The following CSMD3 variants were observed in gnomAD, a reference collection of about 807,000 sequenced individuals.
The protein encoded by CSMD3 is CUB and Sushi multiple domains 3.
Under a neutral mutation model 435.2 loss-of-function variants are expected in CSMD3, and 177 were observed. The ratio of observed to expected loss-of-function variants is 0.41; its 90% CI spans 0.36 to 0.46. The LOEUF (loss-of-function observed/expected upper bound fraction) is 0.46, where lower values mean the gene tolerates loss of function less well. CSMD3 is among the 20% of genes least tolerant of loss of function. The pLI, the probability that CSMD3 is intolerant of heterozygous loss-of-function variation, is 0.34. For synonymous variants in CSMD3, 1,656 were observed against 1,520.5 expected (o/e 1.09, Z -2.07); for missense variants, 4,265 against 4,504.6 (o/e 0.95, Z 1.52).
rs140851876 is a variant in CSMD3 at position 113,150,986 on chromosome 8, T to A, written c.709+22736A>T. 3.2e-3 allele frequency among the ~76,000 whole-genome samples: 493 copies of A among 152,074 alleles called. 2 individuals carry two copies. Among genetic ancestry groups the A allele is most frequent in the Admixed American group, 6.0e-3 (91 of 15,228 alleles). On this transcript the variant is annotated intron_variant, in intron 4 of 70. Coordinates refer to ENST00000297405, the MANE Select transcript of CSMD3 (RefSeq NM_198123.2). ...GAAAATATAGGATTTCATAAAATCA[T>A]AATCAGGGAATTTAGCACATAAAAA...
chr8:113,398,479 C>T (rs2094494291), intron 1 of CSMD3, among the ~76,000 whole-genome samples: 1 of 152,054 alleles, frequency 6.6e-6, no homozygotes, highest in African/African-American at 2.4e-5. Context: ...CAGAATATTC[C>T]TGCCAACACA....
At chr8:112,524,877 A>G (rs1245362954) in intron 27 of CSMD3, among the ~76,000 whole-genome samples, 1 of 152,050 alleles carries the variant, frequency 6.6e-6, no homozygotes, top group Admixed American at 6.6e-5. Context: ...CATTTCTGTT[A>G]CACATGTTCA....
intron 4 of CSMD3, among the ~76,000 whole-genome samples, chr8:113,108,276 A>T (rs1020234211): frequency 5.3e-5 from 8 of 151,978 alleles, no homozygotes; most frequent in Non-Finnish European, 1.0e-4. Flanking sequence ...AAAAATATAA[A>T]AATTAGCGGG....
chr8:112,618,605 A>G (rs1337023162), intron 22 of CSMD3, among the ~76,000 whole-genome samples: 1 of 152,054 alleles, frequency 6.6e-6, no homozygotes, highest in African/African-American at 2.4e-5. Flanking sequence ...CTCTGTCTCC[A>G]AAAGCAACTG....
chr8:113,028,136 T>C (rs1176709786), intron 5 of CSMD3, among the ~76,000 whole-genome samples: 1 of 152,184 alleles, frequency 6.6e-6, no homozygotes, highest in Non-Finnish European at 1.5e-5. Context: ...CATGTCACAT[T>C]TTAATAATTC....
intron 6 of CSMD3, among the ~76,000 whole-genome samples, chr8:112,985,346 T>C (rs1218665109): frequency 6.6e-6 from 1 of 151,862 alleles, no homozygotes; most frequent in Non-Finnish European, 1.5e-5. Flanking sequence ...TTATTTGGCA[T>C]GGCAGGAATG....
intron 5 of CSMD3, among the ~76,000 whole-genome samples, chr8:113,037,188 T>C (rs551707136): frequency 2.3e-4 from 35 of 152,258 alleles, no homozygotes; most frequent in Non-Finnish European, 4.0e-4. Flanking sequence ...CATTACAATT[T>C]GTAGTGACAT....
chr8:112,934,977 C>A (rs1037861369), intron 9 of CSMD3, among the ~76,000 whole-genome samples: 5 of 151,870 alleles, frequency 3.3e-5, no homozygotes, highest in African/African-American at 1.2e-4. Flanking sequence ...AAAATCATTG[C>A]CCAGACCAAT....
intron 2 of CSMD3, among the ~76,000 whole-genome samples, chr8:113,303,418 G>A (rs1442646429): frequency 1.3e-5 from 2 of 151,666 alleles, no homozygotes; most frequent in African/African-American, 2.4e-5. Context: ...CTACTTTAAA[G>A]TTCATATGGA....
intron 16 of CSMD3, among the ~76,000 whole-genome samples, chr8:112,672,669 T>G (rs1291029782): frequency 4.6e-5 from 7 of 152,092 alleles, no homozygotes. Context: ...GTCGTTGCCT[T>G]TAATTCTTCT....
At chr8:112,442,198 G>C (rs1032185076) in intron 32 of CSMD3, among the ~76,000 whole-genome samples, 6 of 152,170 alleles carry the variant, frequency 3.9e-5, no homozygotes, top group Non-Finnish European at 8.8e-5. Flanking sequence ...TGAACTAATG[G>C]AGAAATAACT....
At chr8:112,658,038 G>T (rs915319337) in intron 17 of CSMD3, among the ~76,000 whole-genome samples, 1 of 152,112 alleles carries the variant, frequency 6.6e-6, no homozygotes, top group African/African-American at 2.4e-5. Flanking sequence ...AGTTAAAAAT[G>T]TCTTTCTTTT....
At chr8:112,563,635 A>G (rs1054240901) in intron 24 of CSMD3, among the ~76,000 whole-genome samples, 1 of 152,024 alleles carries the variant, frequency 6.6e-6, no homozygotes, top group Non-Finnish European at 1.5e-5. Flanking sequence ...AGCATTGGGC[A>G]TTTGGCCTAA....
intron 66 of CSMD3, among the ~76,000 whole-genome samples, chr8:112,240,119 T>C (rs2130037331): frequency 6.6e-6 from 1 of 152,292 alleles, no homozygotes; most frequent in East Asian, 1.9e-4. Context: ...ATGAGTTATT[T>C]ATTATTACTA....
chr8:113,128,381 T>G (rs2131668877), intron 4 of CSMD3, among the ~76,000 whole-genome samples: 1 of 152,084 alleles, frequency 6.6e-6, no homozygotes, highest in Middle Eastern at 3.4e-3. Context: ...TTTTTTTTAT[T>G]TTTCTATGAG....
intron 38 of CSMD3, among the ~76,000 whole-genome samples, chr8:112,366,406 T>G (rs1827783339): frequency 6.6e-6 from 1 of 152,150 alleles, no homozygotes; most frequent in African/African-American, 2.4e-5. Context: ...TTTTGTTTTG[T>G]GTTGTTTTGA....
chr8:112,722,606 G>A (rs2076883287), intron 13 of CSMD3, among the ~76,000 whole-genome samples: 1 of 152,078 alleles, frequency 6.6e-6, no homozygotes, highest in Non-Finnish European at 1.5e-5. Flanking sequence ...GTAGGAGGGA[G>A]AAAGAGTGAA....
rs2130678003 is a variant in CSMD3 at position 112,291,620 on chromosome 8, T to A, written c.8864A>T (p.Tyr2955Phe). 1 of 1,611,132 alleles carries A rather than the reference T, an allele frequency of 6.2e-7. No homozygotes were observed. Among genetic ancestry groups the A allele is most frequent in the Non-Finnish European group, 8.5e-7 (1 of 1,177,620 alleles). Reference protein sequence around the residue: ...ESKIEHGNFTYGTVVFYDCNP... With the variant: ...ESKIEHGNFTFGTVVFYDCNP... The stretch of plus-strand genomic sequence containing the variant: ...GCAGTCATAGAATACCACAGTGCCG[T>A]AAGTAAAATTTCCATGTTCTATTTT... Residue 2955 changes from tyrosine to phenylalanine, a missense_variant, in exon 56 of 71, where the codon TAC becomes TTC. Tyr to Phe is a conservative substitution (Grantham distance 22, BLOSUM62 3). Transcript: ENST00000297405.
intron 6 of CSMD3, among the ~76,000 whole-genome samples, chr8:113,006,488 C>A (rs374868331): frequency 5.9e-5 from 9 of 151,950 alleles, no homozygotes; most frequent in East Asian, 5.8e-4. Flanking sequence ...AATGGGATTG[C>A]CCTGCTATAG....
Sources: gnomAD v4.1 joint callset for allele counts (sites outside exome capture counted in the v4.1 genomes callset) on GRCh38, gnomAD v4.1.1 for gene constraint, MANE v1.5 for transcripts, NCBI Gene and HGNC (gene_info 2026-07-23, HGNC 2026-07-21) for gene names.